The following CCDC192 variants were observed in gnomAD, a reference collection of about 807,000 sequenced individuals.
The protein encoded by CCDC192 is coiled-coil domain containing 192, also known as coiled-coil domain-containing protein 192.
chr5:127,880,457 TG>T (rs1752301220), intron 6 of CCDC192, among the ~76,000 whole-genome samples: 2 of 52,248 alleles, frequency 3.8e-5, no homozygotes, highest in African/African-American at 1.6e-4. Flanking sequence ...TGTGGTGGGG[TG>T]GGGGGAGGGG....
intron 3 of CCDC192, among the ~76,000 whole-genome samples, chr5:127,783,143 G>A (rs1463032623): frequency 2.0e-5 from 3 of 151,788 alleles, no homozygotes; most frequent in South Asian, 4.2e-4. Context: ...CTACAGGCAC[G>A]TGCCACCATG....
chr5:127,883,113 G>T (rs1752421500), intron 6 of CCDC192, among the ~76,000 whole-genome samples: 1 of 152,222 alleles, frequency 6.6e-6, no homozygotes, highest in Admixed American at 6.5e-5. Flanking sequence ...GTAGTCAAAA[G>T]CACAGTGTTT....
At chr5:127,755,951 C>T (rs950814344) in intron 3 of CCDC192, among the ~76,000 whole-genome samples, 4 of 151,920 alleles carry the variant, frequency 2.6e-5, no homozygotes, top group East Asian at 1.9e-4. Context: ...GCTAACATGG[C>T]GAAAGCCCGT....
intron 6 of CCDC192, among the ~76,000 whole-genome samples, chr5:127,901,023 TA>T (rs1212689283): frequency 5.3e-5 from 8 of 151,978 alleles, no homozygotes; most frequent in African/African-American, 7.2e-5. Flanking sequence ...ATATTTTGGT[TA>T]AAAAAAAGTT....
intron 6 of CCDC192, among the ~76,000 whole-genome samples, chr5:127,932,657 T>C (rs1488394516): frequency 1.3e-5 from 2 of 152,222 alleles, no homozygotes; most frequent in African/African-American, 2.4e-5. Flanking sequence ...GTGTTATATA[T>C]GCACTTAACT....
At chr5:127,916,726 A>G (rs944420169) in intron 6 of CCDC192, among the ~76,000 whole-genome samples, 3 of 152,232 alleles carry the variant, frequency 2.0e-5, no homozygotes, top group Admixed American at 2.0e-4. Context: ...TAAGTTTGAA[A>G]TATTCAGAAA....
intron 2 of CCDC192, among the ~76,000 whole-genome samples, chr5:127,726,656 C>G (rs1199821993): frequency 6.6e-6 from 1 of 152,216 alleles, no homozygotes; most frequent in Non-Finnish European, 1.5e-5. Flanking sequence ...CAGATCATGA[C>G]CAGATTGCCT....
chr5:127,821,798 G>C lies in CCDC192; in HGVS notation c.411+23636G>C, dbSNP rs544998573. 7.2e-5 allele frequency among the ~76,000 whole-genome samples: 11 copies of C among 152,238 alleles called. No individual in the cohort carries two copies. The East Asian group carries it at 2.1e-3, about 29-fold the overall frequency. ...CTTCCATGGCAGCATAACTATAACT[G>C]CCATAAAGACCCTGAGATAGAAGGT... On this transcript the variant is annotated intron_variant, in intron 5 of 6. Coordinates refer to ENST00000514853, the MANE Select transcript of CCDC192 (RefSeq NM_001317938.2).
rs932550137 is a variant in CCDC192, at chr5:127,941,262, C to T, written c.616C>T (p.Leu206=). Residue 206 remains leucine (L), a synonymous_variant, in exon 7 of 7, where the codon CTG becomes TTG. Coordinates refer to ENST00000514853, the MANE Select transcript of CCDC192 (RefSeq NM_001317938.2). ...GDRKISLIME[L]STQVSLQTER... is the part of the protein sequence containing the mutation. ...TAGAAAAATTAGCCTGATAATGGAACTGTCAACCCAGGTTTCCCTTCAGAC... is the reference window on the plus strand; with the variant it reads ...TAGAAAAATTAGCCTGATAATGGAATTGTCAACCCAGGTTTCCCTTCAGAC... The T allele has an allele frequency of 2.5e-5, 10 of 398,922 alleles. No individual in the cohort carries two copies. Among genetic ancestry groups the T allele is most frequent in the Non-Finnish European group, 2.7e-5 (6 of 226,068 alleles). 24.7% of individuals were successfully genotyped at this position (398,922 alleles called of 1,614,324 possible). A position where few individuals can be genotyped will look rare whatever the true frequency, so the allele number is the denominator to read the frequency against.
At chr5:127,781,182 G>C (rs1756196900) in intron 3 of CCDC192, among the ~76,000 whole-genome samples, 2 of 152,000 alleles carry the variant, frequency 1.3e-5, no homozygotes, top group Non-Finnish European at 2.9e-5. Flanking sequence ...CTGTTCCATT[G>C]GTCTATGTGC....
At chr5:127,846,282 C>T (rs1283600623) in intron 5 of CCDC192, among the ~76,000 whole-genome samples, 2 of 100,676 alleles carry the variant, frequency 2.0e-5, no homozygotes, top group African/African-American at 4.3e-5. Context: ...GAGCAAGACT[C>T]GGTCTCAAAA....
chr5:127,933,927 C>T (rs1395343954), intron 6 of CCDC192, among the ~76,000 whole-genome samples: 1 of 152,208 alleles, frequency 6.6e-6, no homozygotes, highest in African/African-American at 2.4e-5. Flanking sequence ...TCGTCAACTT[C>T]CCAGTCTCCA....
chr5:127,925,794 A>G (rs1222869803), intron 6 of CCDC192, among the ~76,000 whole-genome samples: 1 of 152,084 alleles, frequency 6.6e-6, no homozygotes, highest in Admixed American at 6.6e-5. Context: ...TCTAAAACCT[A>G]CTTTCCCCTT....
chr5:127,857,451 G>A (rs746841265), intron 5 of CCDC192, among the ~76,000 whole-genome samples: 1 of 152,044 alleles, frequency 6.6e-6, no homozygotes, highest in Non-Finnish European at 1.5e-5. Context: ...TTTCCTACCT[G>A]GTGTTCCTGG....
At chr5:127,841,171 A>G (rs1040773123) in intron 5 of CCDC192, among the ~76,000 whole-genome samples, 11 of 152,246 alleles carry the variant, frequency 7.2e-5, no homozygotes, top group African/African-American at 2.7e-4. Flanking sequence ...CTTAAGAGGC[A>G]AATTAGTATT....
At chr5:127,931,880 G>A (rs1367268806) in intron 6 of CCDC192, among the ~76,000 whole-genome samples, 1 of 151,922 alleles carries the variant, frequency 6.6e-6, no homozygotes, top group Non-Finnish European at 1.5e-5. Flanking sequence ...GGCTGGGCAC[G>A]GTGGCTCACA....
chr5:127,884,417 A>ATCTTATAT (rs1437234665), intron 6 of CCDC192, among the ~76,000 whole-genome samples: 12 of 149,262 alleles, frequency 8.0e-5, no homozygotes, highest in Non-Finnish European at 1.0e-4. Flanking sequence ...ACAGAAAGCT[A>ATCTTATAT]TCTTATATCA....
chr5:127,930,952 C>A (rs1039110382), intron 6 of CCDC192, among the ~76,000 whole-genome samples: 4 of 152,262 alleles, frequency 2.6e-5, no homozygotes, highest in Non-Finnish European at 5.9e-5. Flanking sequence ...CCCTGCCAGC[C>A]TTTCCTGTGC....
intron 6 of CCDC192, among the ~76,000 whole-genome samples, chr5:127,886,658 T>C (rs1752569996): frequency 6.6e-6 from 1 of 152,166 alleles, no homozygotes. Flanking sequence ...CACATAAAAT[T>C]TGTGTTAACC....
Sources: gnomAD v4.1 joint callset for allele counts (sites outside exome capture counted in the v4.1 genomes callset) on GRCh38, gnomAD v4.1.1 for gene constraint, MANE v1.5 for transcripts, NCBI Gene and HGNC (gene_info 2026-07-23, HGNC 2026-07-21) for gene names.